EFCAB5: variants seen among roughly 807,000 people sequenced by gnomAD.
EFCAB5 encodes the protein EF-hand calcium-binding domain-containing protein 5.
EFCAB5 carries 131 observed loss-of-function variants against 167.9 expected under a neutral mutation model. That is an observed-to-expected ratio of 0.78 (90% CI 0.68 to 0.90). The LOEUF (loss-of-function observed/expected upper bound fraction) is 0.90. Among genes scored for constraint, EFCAB5 ranks in the 40% least tolerant of loss-of-function variants. The pLI is 0.00. For missense variants in EFCAB5, 1,663 were observed against 1,745.2 expected (o/e 0.95, Z 0.84); for synonymous variants, 574 against 602.8 (o/e 0.95, Z 0.70).
At position 30,073,153 on chromosome 17, in the gene EFCAB5, T is replaced by C. The variant is rs1176702576; in HGVS notation, c.2738-5062T>C. On this transcript the variant is annotated intron_variant, in intron 14 of 22. Coordinates refer to ENST00000394835, the MANE Select transcript of EFCAB5 (RefSeq NM_198529.4). Reference sequence around the variant, plus strand: ...TCACTGCAGCCTCCAACTCCCGGACTCAAGCGATCATCCCATCACAGACTC... The same window carrying C: ...TCACTGCAGCCTCCAACTCCCGGACCCAAGCGATCATCCCATCACAGACTC... The C allele has an allele frequency of 1.3e-5, 9 of 699,582 alleles. No individual in the cohort carries two copies. In the East Asian group the frequency reaches 1.4e-4, roughly 11 times the overall value. 43.3% of individuals were successfully genotyped at this position (699,582 alleles called of 1,614,324 possible).
chr17:29,945,122 T>G (rs1224182209), intron 3 of EFCAB5, among the ~76,000 whole-genome samples: 2 of 152,182 alleles, frequency 1.3e-5, no homozygotes, highest in Non-Finnish European at 2.9e-5. Flanking sequence ...AAATACTTAG[T>G]GAAATCCATA....
At chr17:30,099,811 G>C (rs1434094996) in intron 22 of EFCAB5, among the ~76,000 whole-genome samples, 1 of 152,016 alleles carries the variant, frequency 6.6e-6, no homozygotes, top group Non-Finnish European at 1.5e-5. Context: ...TCTGCTTGGA[G>C]GAGGAGCATC....
chr17:30,018,266 CT>C lies in EFCAB5; in HGVS notation c.1045-15963del, dbSNP rs1476661998. 2.0e-5 allele frequency among the ~76,000 whole-genome samples: 3 copies of C among 150,120 alleles called. No homozygotes were observed. In the East Asian group the frequency reaches 5.8e-4, roughly 29 times the overall value. ...TGATTGCCAGGCATTGTTCTATGTT[CT>C]GTTATTAAAACACTGGAAAAAAAGA... On this transcript the variant is annotated intron_variant, in intron 7 of 22. Transcript: ENST00000394835.
chr17:29,969,145 T>C lies in EFCAB5; in HGVS notation c.545T>C (p.Leu182Ser). 6.2e-7 allele frequency: 1 copy of C among 1,613,900 alleles called. No homozygotes were observed. Among genetic ancestry groups the C allele is most frequent in the Non-Finnish European group, 8.5e-7 (1 of 1,179,840 alleles). The change falls in exon 4 of 23, where the codon TTA (leucine) becomes TCA (serine). Residue 182 changes from leucine (L) to serine (S), a missense_variant. By Grantham distance (145) the Leu-to-Ser change is moderately radical. Transcript: ENST00000394835. The stretch of plus-strand genomic sequence containing the variant: ...TTGCTTGACAAACTTCTACCCACCT[T>C]AGTTCCTGGAGTAGAAAACATGTTA... ...AYLLDKLLPT[L>S]VPGVENMLTQ...
chr17:30,092,970 G>A (rs1430589797), intron 22 of EFCAB5, 34 bp downstream of exon 22: 2 of 1,496,676 alleles, frequency 1.3e-6, no homozygotes, highest in Non-Finnish European at 1.8e-6. Context: ...CTAAATCTAT[G>A]CCAACAGCAA....
At position 30,055,294 on chromosome 17, in the gene EFCAB5, C is replaced by CAAGA. The variant is rs547680821; in HGVS notation, c.2195-580_2195-577dup. On this transcript the variant is annotated intron_variant, in intron 10 of 22. Transcript: ENST00000394835. Reference sequence around the variant, plus strand: ...CCTAAGCAACAAAGTGAGACCCTATCAAGAAAGAAAGAAAGAAGAGAGAGA... The same window carrying CAAGA: ...CCTAAGCAACAAAGTGAGACCCTATCAAGAAAGAAAGAAAGAAAGAAGAGAGAGA... 8.8e-4 allele frequency among the ~76,000 whole-genome samples: 120 copies of CAAGA among 136,890 alleles called. 1 individual carries two copies. The highest frequency in any genetic ancestry group is 3.2e-4 in the Non-Finnish European group (21 of 65,180). The allele number at this position is 136,890 out of a possible 152,430, so 89.8% of individuals were successfully genotyped here.
intron 2 of EFCAB5, 86 bp from the exon 3 acceptor site, chr17:29,943,479 A>T (rs1030849538): frequency 2.5e-6 from 3 of 1,201,078 alleles, no homozygotes; most frequent in Non-Finnish European, 3.5e-6. Flanking sequence ...CAAAGCAATT[A>T]ACTTTCCTTT....
chr17:29,989,337 AAC>A (rs1273251669), intron 4 of EFCAB5, among the ~76,000 whole-genome samples: 1 of 152,230 alleles, frequency 6.6e-6, no homozygotes, highest in East Asian at 1.9e-4. Context: ...TGAATAATGT[AAC>A]ACTGTGAAAA....
At chr17:30,104,048 T>G (rs2071414630) in intron 22 of EFCAB5, among the ~76,000 whole-genome samples, 2 of 152,174 alleles carry the variant, frequency 1.3e-5, no homozygotes, top group Admixed American at 1.3e-4. Context: ...ACACATACCC[T>G]TCTATTGCTG....
At position 29,941,823 on chromosome 17, in the gene EFCAB5, A is replaced by G. The variant is rs1221829500; in HGVS notation, c.27A>G (p.Glu9=). The change falls in exon 1 of 23, where the codon GAA becomes GAG. Residue 9 remains glutamate (E), a synonymous_variant. Coordinates refer to ENST00000394835, the MANE Select transcript of EFCAB5 (RefSeq NM_198529.4). ...TGAATGAGTCAGCATCTCAAGAGGA[A>G]CTCAGACCTGCTCAGGTTCTTGTCC... is the stretch of plus-strand genomic sequence containing the variant. MNESASQE[E]LRPAQENRKE... is the part of the protein sequence containing the mutation. 6.2e-7 allele frequency: 1 copy of G among 1,605,460 alleles called. No individual in the cohort carries two copies. The highest frequency in any genetic ancestry group is 8.5e-7 in the Non-Finnish European group (1 of 1,175,326).
chr17:30,030,310 C>A (rs1294471922), intron 7 of EFCAB5, among the ~76,000 whole-genome samples: 1 of 152,172 alleles, frequency 6.6e-6, no homozygotes, highest in Non-Finnish European at 1.5e-5. Context: ...GATGAAAAAT[C>A]CAGAAGTGTC....
Position 29,969,386 on chromosome 17 carries a change from T to A in EFCAB5, c.767+19T>A. The A allele has an allele frequency of 6.5e-7, 1 of 1,533,794 alleles. No individual in the cohort carries two copies. The highest frequency in any genetic ancestry group is 8.8e-7 in the Non-Finnish European group (1 of 1,141,736). On this transcript the variant is annotated intron_variant, in intron 4 of 22. Coordinates refer to ENST00000394835, the MANE Select transcript of EFCAB5 (RefSeq NM_198529.4). The stretch of plus-strand genomic sequence containing the variant: ...GCAACAGGTACAATCTGTTATAGTT[T>A]CAGTTCATGATCTGTCTCCTTACAT...
At chr17:29,949,338 A>G (rs2067463613) in intron 3 of EFCAB5, among the ~76,000 whole-genome samples, 1 of 152,230 alleles carries the variant, frequency 6.6e-6, no homozygotes, top group Admixed American at 6.5e-5. Context: ...TAGTGCCTGG[A>G]TAGTTCTTTT....
intron 22 of EFCAB5, among the ~76,000 whole-genome samples, chr17:30,095,420 T>C (rs761766114): frequency 2.6e-5 from 4 of 152,150 alleles, no homozygotes; most frequent in Admixed American, 6.5e-5. Context: ...CATGATCCTC[T>C]AAGGGTGACA....
At chr17:30,073,534 C>A in intron 14 of EFCAB5, 3 of 577,610 alleles carry the variant, frequency 5.2e-6, no homozygotes, top group Non-Finnish European at 6.4e-6. Context: ...GCATGTGGTC[C>A]ATTTTAAGTA....
chr17:30,056,675 T>G (rs1772480145), intron 12 of EFCAB5, among the ~76,000 whole-genome samples: 2 of 152,212 alleles, frequency 1.3e-5, no homozygotes. Context: ...CACTCATATT[T>G]CACTAAAATG....
At chr17:30,034,024 G>A (rs1244255765) in intron 7 of EFCAB5, among the ~76,000 whole-genome samples, 1 of 152,164 alleles carries the variant, frequency 6.6e-6, no homozygotes, top group Non-Finnish European at 1.5e-5. Flanking sequence ...ACTGATGTGT[G>A]GTATTGGGGA....
In EFCAB5 at chr17:29,968,848, C is replaced by T; in HGVS notation, c.248C>T (p.Thr83Ile). Reference protein sequence around the residue: ...ISPGSIKDSKTEASGNIAIRK... With the variant: ...ISPGSIKDSKIEASGNIAIRK... ...CCTGGTTCAATAAAGGACTCTAAAA[C>T]TGAAGCCTCAGGTAATATTGCAATT... Residue 83 changes from threonine (T) to isoleucine (I), a missense_variant, in exon 4 of 23, where the codon ACT becomes ATT. Transcript: ENST00000394835. 1 of 1,552,722 alleles carries T rather than the reference C, an allele frequency of 6.4e-7. No individual in the cohort carries two copies. The highest frequency in any genetic ancestry group is 2.4e-5 in the East Asian group (1 of 42,298).
Position 30,053,710 on chromosome 17 carries a change from C to A in EFCAB5, c.1756C>A (p.Gln586Lys), listed in dbSNP as rs1597731344. 6.2e-7 allele frequency: 1 copy of A among 1,613,932 alleles called. No individual in the cohort carries two copies. The stretch of plus-strand genomic sequence containing the variant: ...ACAGCACAAAGGGTCAATAGAAGGA[C>A]AAGGACCACGCAGAGTGTCAGTTTC... The part of the protein sequence containing the change: ...QGQHKGSIEG[Q>K]GPRRVSVSEQ... Residue 586 changes from glutamine to lysine, a missense_variant, in exon 10 of 23, where the codon CAA (glutamine) becomes AAA (lysine). Coordinates refer to ENST00000394835, the MANE Select transcript of EFCAB5 (RefSeq NM_198529.4).
Sources: allele counts gnomAD v4.1 joint callset (sites outside exome capture counted in the v4.1 genomes callset), GRCh38; gene constraint gnomAD v4.1.1; transcripts MANE v1.5; gene names NCBI Gene and HGNC (gene_info 2026-07-23, HGNC 2026-07-21).